ASCC1: variants seen among roughly 807,000 people sequenced by gnomAD.
The protein encoded by ASCC1 is ASC-1 complex subunit P50.
A neutral mutation model predicts 46.6 loss-of-function variants in ASCC1; 35 were observed. The ratio of observed to expected loss-of-function variants is 0.75; its 90% CI spans 0.57 to 0.99. The LOEUF (loss-of-function observed/expected upper bound fraction) is 0.99, where lower values mean the gene tolerates loss of function less well. ASCC1 is among the 50% of genes least tolerant of loss of function. ASCC1 has a pLI of 0.00. For missense variants in ASCC1, 376 were observed against 428.7 expected (o/e 0.88, Z 1.09); for synonymous variants, 143 against 146.6 (o/e 0.98, Z 0.18).
intron 5 of ASCC1, among the ~76,000 whole-genome samples, chr10:72,169,145 T>G (rs1413071935): frequency 1.3e-5 from 2 of 152,242 alleles, no homozygotes; most frequent in East Asian, 3.9e-4. Context: ...GACCTATTAT[T>G]AAATGAGAAA....
At chr10:72,208,297 A>C (rs1564764838) in intron 3 of ASCC1, among the ~76,000 whole-genome samples, 4 of 151,256 alleles carry the variant, frequency 2.6e-5, no homozygotes, top group Admixed American at 2.6e-4. Flanking sequence ...GCAGATTCAC[A>C]CCAAGACCTG....
At chr10:72,132,876 G>A (rs1444446299) in intron 8 of ASCC1, among the ~76,000 whole-genome samples, 181 bp downstream of exon 8, 2 of 152,098 alleles carry the variant, frequency 1.3e-5, no homozygotes, top group East Asian at 1.9e-4. Flanking sequence ...AAAAGATCTG[G>A]AAGCCACAGT....
intron 5 of ASCC1, chr10:72,190,237 A>C (rs1341729560): frequency 3.9e-6 from 3 of 769,134 alleles, no homozygotes; most frequent in African/African-American, 1.7e-5. Flanking sequence ...GAAGCCTTCA[A>C]TCTGTTGCAG....
At chr10:72,108,413 T>C (rs1842593838) in intron 9 of ASCC1, among the ~76,000 whole-genome samples, 1 of 152,160 alleles carries the variant, frequency 6.6e-6, no homozygotes, top group Non-Finnish European at 1.5e-5. Flanking sequence ...GAAAACAAGC[T>C]GTACAGAAAA....
chr10:72,109,105 A>C (rs973545978), intron 9 of ASCC1, among the ~76,000 whole-genome samples: 1 of 152,232 alleles, frequency 6.6e-6, no homozygotes, highest in African/African-American at 2.4e-5. Flanking sequence ...ATATTATAGT[A>C]GCTAATAATA....
At chr10:72,216,278 A>G, upstream of ASCC1, 1 of 158,650 alleles carries the variant, frequency 6.3e-6, no homozygotes, top group Non-Finnish European at 1.4e-5. Flanking sequence ...TGCGATAGGA[A>G]ATTTCCCCAG....
chr10:72,143,440 C>T (rs1564640132), intron 7 of ASCC1, among the ~76,000 whole-genome samples: 1 of 151,572 alleles, frequency 6.6e-6, no homozygotes, highest in East Asian at 1.9e-4. Flanking sequence ...TGGGCTCAAG[C>T]AACCCTCCAG....
intron 9 of ASCC1, among the ~76,000 whole-genome samples, chr10:72,106,384 T>C (rs1463515292): frequency 6.6e-6 from 1 of 152,242 alleles, no homozygotes; most frequent in Non-Finnish European, 1.5e-5. Context: ...GAAAGGATGC[T>C]ATTGTTCTCA....
At position 72,196,869 on chromosome 10, in the gene ASCC1, A is replaced by G. The variant is rs565723980; in HGVS notation, c.431T>C (p.Val144Ala). The G allele has an allele frequency of 6.2e-7, 1 of 1,613,498 alleles. No individual in the cohort carries two copies. The highest frequency in any genetic ancestry group is 1.1e-5 in the South Asian group (1 of 91,072). Residue 144 changes from valine to alanine, a missense_variant, in exon 5 of 10, where the codon GTT becomes GCT. Coordinates refer to ENST00000672957, the MANE Select transcript of ASCC1 (RefSeq NM_001198800.3). ...THFLAFFLNE[V>A]EVQEGFLRFQ... The stretch of plus-strand genomic sequence containing the variant: ...TCTCAGGAATCCTTCCTGAACCTCA[A>G]CTTCATTGAGGAAAAAGGCAAGGAA...
chr10:72,114,204 T>A (rs1843232996), intron 9 of ASCC1, among the ~76,000 whole-genome samples: 1 of 152,234 alleles, frequency 6.6e-6, no homozygotes, highest in Non-Finnish European at 1.5e-5. Context: ...AGCTGAGTCT[T>A]GCTATGTGTA....
chr10:72,198,999 G>T (rs111371647), intron 4 of ASCC1, among the ~76,000 whole-genome samples: 21,701 of 150,882 alleles, frequency 0.14, 4,431 homozygotes, highest in African/African-American at 0.45. Context: ...GTATTCTTAG[G>T]AGAGACAGGG....
At chr10:72,108,009 A>C (rs1842529768) in intron 9 of ASCC1, among the ~76,000 whole-genome samples, 1 of 152,024 alleles carries the variant, frequency 6.6e-6, no homozygotes, top group South Asian at 2.1e-4. Flanking sequence ...TTCTCATACA[A>C]AGACTTAAAA....
intron 4 of ASCC1, among the ~76,000 whole-genome samples, chr10:72,197,906 A>AAAATAAATAAAT (rs201913206): frequency 0.085 from 11,930 of 139,794 alleles, 1,819 homozygotes; most frequent in African/African-American, 0.31. Context: ...ACCCTGTCTC[A>AAAATAAATAAAT]AAATAAATAA....
chr10:72,168,855 C>T (rs1325679510), intron 5 of ASCC1, among the ~76,000 whole-genome samples: 1 of 152,174 alleles, frequency 6.6e-6, no homozygotes, highest in Middle Eastern at 3.2e-3. Context: ...CTGCCAGCAC[C>T]TTGATCTTAG....
intron 5 of ASCC1, among the ~76,000 whole-genome samples, chr10:72,164,422 C>G (rs117854068): frequency 1.3e-5 from 2 of 152,240 alleles, no homozygotes; most frequent in Non-Finnish European, 2.9e-5. Context: ...CTTTCATTTA[C>G]CATGATGTTT....
intron 5 of ASCC1, among the ~76,000 whole-genome samples, chr10:72,181,186 G>A (rs1382314852): frequency 6.6e-6 from 1 of 152,030 alleles, no homozygotes; most frequent in African/African-American, 2.4e-5. Context: ...GGATGGTCTC[G>A]ATCTCTTGAC....
At chr10:72,140,479 A>C (rs1315137445) in intron 7 of ASCC1, among the ~76,000 whole-genome samples, 2 of 152,258 alleles carry the variant, frequency 1.3e-5, no homozygotes, top group East Asian at 1.9e-4. Flanking sequence ...CCTATGGTAC[A>C]TAAGCTATTG....
At chr10:72,172,900 TATA>T (rs1851392736) in intron 5 of ASCC1, among the ~76,000 whole-genome samples, 2 of 131,742 alleles carry the variant, frequency 1.5e-5, no homozygotes, top group Admixed American at 1.7e-4. Context: ...TTATATATAT[TATA>T]TATTATATTT....
At chr10:72,200,753 A>G (rs943847143) in intron 4 of ASCC1, among the ~76,000 whole-genome samples, 6 of 152,190 alleles carry the variant, frequency 3.9e-5, no homozygotes, top group Non-Finnish European at 7.3e-5. Flanking sequence ...ACTCAAGGAA[A>G]ATAAAATTTT....
Sources: gnomAD v4.1 joint callset for allele counts (sites outside exome capture counted in the v4.1 genomes callset) on GRCh38, gnomAD v4.1.1 for gene constraint, MANE v1.5 for transcripts, NCBI Gene and HGNC (gene_info 2026-07-23, HGNC 2026-07-21) for gene names.